The following PALS1 variants were observed in gnomAD, a reference collection of about 807,000 sequenced individuals.
PALS1 encodes the protein protein associated with LIN7 1, MAGUK p55 family member.
PALS1 carries 31 observed loss-of-function variants against 78.9 expected under a neutral mutation model. The observed-to-expected ratio is 0.39, with a 90% CI of 0.30 to 0.53. PALS1 has a LOEUF of 0.53. Ranked by LOEUF, PALS1 falls within the 20% of genes least tolerant of loss-of-function variation. The pLI, the probability that PALS1 is intolerant of heterozygous loss-of-function variation, is 0.67. For synonymous variants in PALS1, 276 were observed against 270.9 expected, an observed-to-expected ratio of 1.02 and a Z score of -0.18; for missense variants, 704 against 826.5, an observed-to-expected ratio of 0.85 and a Z score of 1.82.
intron 2 of PALS1, among the ~76,000 whole-genome samples, chr14:67,273,991 T>G (rs1274423573): frequency 6.6e-6 from 1 of 152,236 alleles, no homozygotes; most frequent in Non-Finnish European, 1.5e-5. Context: ...CTTGGAAATT[T>G]GTTTAAGTTC....
intron 13 of PALS1, among the ~76,000 whole-genome samples, chr14:67,322,382 T>C (rs1194475398): frequency 1.3e-5 from 2 of 152,108 alleles, no homozygotes; most frequent in African/African-American, 4.8e-5. Flanking sequence ...TTTTAGAAAC[T>C]TGGAGTTTTT....
At chr14:67,284,429 TAAAAA>T (rs530863294) in intron 3 of PALS1, among the ~76,000 whole-genome samples, 2 of 92,678 alleles carry the variant, frequency 2.2e-5, no homozygotes, top group African/African-American at 6.3e-5. Context: ...CCCTATCTCT[TAAAAA>T]AAAAAAAAAA....
At chr14:67,302,823 A>G (rs1489347997) in intron 7 of PALS1, among the ~76,000 whole-genome samples, 1 of 143,168 alleles carries the variant, frequency 7.0e-6, no homozygotes, top group East Asian at 1.9e-4. Flanking sequence ...TAACTCATTA[A>G]TTCACTCAGT....
rs1455622327 is a variant in PALS1 at position 67,321,175 on chromosome 14, G to A, written c.1656G>A (p.Glu552=). Residue 552 remains glutamate, a synonymous_variant, in exon 13 of 15, where the codon GAG becomes GAA. Transcript: ENST00000261681. ...AGKFIEHGEF[E]KNLYGTSIDS... ...AGTTCATTGAGCATGGTGAATTTGA[G>A]AAGAATTTGTATGGAACTAGCATAG... 1.2e-6 allele frequency: 2 copies of A among 1,614,220 alleles called. No individual in the cohort carries two copies. Among genetic ancestry groups the A allele is most frequent in the Non-Finnish European group, 1.7e-6 (2 of 1,180,032 alleles).
intron 10 of PALS1, among the ~76,000 whole-genome samples, 197 bp downstream of exon 10, chr14:67,317,100 T>C (rs1030408955): frequency 2.0e-5 from 3 of 152,222 alleles, no homozygotes; most frequent in African/African-American, 7.2e-5. Flanking sequence ...GTGTAGTTAA[T>C]TGAAAATTGT....
intron 11 of PALS1, among the ~76,000 whole-genome samples, chr14:67,319,044 C>A (rs1004137527): frequency 2.8e-4 from 42 of 148,016 alleles, no homozygotes; most frequent in African/African-American, 1.0e-3. Context: ...GGCGACAGAG[C>A]GAGACTCCGT....
intron 13 of PALS1, 68 bp from the exon 14 acceptor site, chr14:67,323,634 A>G (rs911839145): frequency 7.2e-6 from 3 of 418,472 alleles, no homozygotes; most frequent in Non-Finnish European, 1.2e-5. Flanking sequence ...ATATATATAT[A>G]TATCAGTATT....
At chr14:67,312,945 G>T (rs370718717) in intron 9 of PALS1, among the ~76,000 whole-genome samples, 169 of 152,194 alleles carry the variant, frequency 1.1e-3, no homozygotes, top group Non-Finnish European at 1.8e-3. Context: ...CCATATTGTA[G>T]TACATTTCCT....
chr14:67,285,852 A>G (rs1310630528), intron 3 of PALS1, among the ~76,000 whole-genome samples: 1 of 152,188 alleles, frequency 6.6e-6, no homozygotes, highest in Non-Finnish European at 1.5e-5. Flanking sequence ...GAGGGAGGAC[A>G]GAGTTTACGA....
At chr14:67,287,931 T>C (rs1163335432) in intron 3 of PALS1, among the ~76,000 whole-genome samples, 1 of 152,208 alleles carries the variant, frequency 6.6e-6, no homozygotes, top group East Asian at 1.9e-4. Context: ...CTCCTTGGCC[T>C]TAAAAAGTTT....
chr14:67,333,867 T>C lies in PALS1; in HGVS notation c.*911T>C, dbSNP rs768134869. On this transcript the variant is annotated 3_prime_UTR_variant, in exon 15 of 15. Transcript: ENST00000261681. The stretch of plus-strand genomic sequence containing the variant: ...ATAGTTTTTTGTATACATGGGAGGA[T>C]AGCACATTTGACAGTTTTTGCATTT... 1.5e-4 allele frequency: 23 copies of C among 152,630 alleles called. No homozygotes were observed. Among genetic ancestry groups the C allele is most frequent in the Non-Finnish European group, 2.6e-4 (18 of 68,022 alleles). 9.5% of individuals were successfully genotyped at this position (152,630 alleles called of 1,614,324 possible).
chr14:67,279,447 A>C lies in PALS1; in HGVS notation c.277A>C (p.Ile93Leu). The change falls in exon 3 of 15, where the codon ATT becomes CTT. Residue 93 changes from isoleucine (I) to leucine (L), a missense_variant. By Grantham distance (5) the Ile-to-Leu change is conservative. Transcript: ENST00000261681. ...CATGAGACTTAAGAAACTAGCCCAA[A>C]TTCCTCCAAAGACCGGAATAGATAA... Reference protein sequence around the residue: ...SSMRLKKLAQIPPKTGIDNPM... With the variant: ...SSMRLKKLAQLPPKTGIDNPM... The C allele has an allele frequency of 6.2e-7, 1 of 1,613,492 alleles. No individual in the cohort carries two copies. The highest frequency in any genetic ancestry group is 1.1e-5 in the South Asian group (1 of 90,956).
At chr14:67,256,988 A>G (rs1202686672) in intron 1 of PALS1, among the ~76,000 whole-genome samples, 1 of 152,208 alleles carries the variant, frequency 6.6e-6, no homozygotes, top group South Asian at 2.1e-4. Flanking sequence ...TCCTGACGAC[A>G]GGTGCCCAAG....
At chr14:67,275,275 T>C (rs1243296798) in intron 2 of PALS1, among the ~76,000 whole-genome samples, 1 of 152,204 alleles carries the variant, frequency 6.6e-6, no homozygotes, top group Non-Finnish European at 1.5e-5. Context: ...ATAGCTCTTA[T>C]TATTTTGAGA....
chr14:67,332,184 G>A (rs1232041312), intron 14 of PALS1, among the ~76,000 whole-genome samples: 1 of 152,126 alleles, frequency 6.6e-6, no homozygotes, highest in East Asian at 1.9e-4. Context: ...ATAATTAGAG[G>A]GTTCAGGATA....
At chr14:67,275,114 T>C (rs1029799349) in intron 2 of PALS1, among the ~76,000 whole-genome samples, 7 of 152,188 alleles carry the variant, frequency 4.6e-5, no homozygotes, top group African/African-American at 1.7e-4. Context: ...CCTTTATTTC[T>C]TTCTCCTGCC....
chr14:67,333,616 T>G lies in PALS1; in HGVS notation c.*660T>G, dbSNP rs1200656081. 1 of 152,608 alleles carries G rather than the reference T, an allele frequency of 6.6e-6. No individual in the cohort carries two copies. The highest frequency in any genetic ancestry group is 1.9e-4 in the East Asian group (1 of 5,196). 9.5% of individuals were successfully genotyped at this position (152,608 alleles called of 1,614,324 possible). A position where few individuals can be genotyped will look rare whatever the true frequency, so the allele number is the denominator to read the frequency against. ...TTTGCTCAGACTTTGTGGATCAGAC[T>G]CTACACTCAACACACTCTAATCTAC... On this transcript the variant is annotated 3_prime_UTR_variant, in exon 15 of 15. Coordinates refer to ENST00000261681, the MANE Select transcript of PALS1 (RefSeq NM_022474.4).
At chr14:67,264,658 T>A (rs999124918) in intron 1 of PALS1, among the ~76,000 whole-genome samples, 7 of 152,206 alleles carry the variant, frequency 4.6e-5, no homozygotes, top group African/African-American at 7.2e-5. Flanking sequence ...AGGATCTAGA[T>A]GGTTAGTAAA....
At chr14:67,262,747 A>G (rs1465313076) in intron 1 of PALS1, among the ~76,000 whole-genome samples, 1 of 152,170 alleles carries the variant, frequency 6.6e-6, no homozygotes, top group African/African-American at 2.4e-5. Context: ...TTAGTGTAGC[A>G]TTCAGAGTCA....
Sources: allele counts gnomAD v4.1 joint callset (sites outside exome capture counted in the v4.1 genomes callset), GRCh38; gene constraint gnomAD v4.1.1; transcripts MANE v1.5; gene names NCBI Gene and HGNC (gene_info 2026-07-23, HGNC 2026-07-21).